Variants in CTSC observed in about 807,000 individuals in gnomAD.
The protein encoded by CTSC is dipeptidyl peptidase 1.
A neutral mutation model predicts 40.9 loss-of-function variants in CTSC; 37 were observed. The observed-to-expected ratio is 0.91, with a 90% confidence interval of 0.70 to 1.19. The LOEUF (loss-of-function observed/expected upper bound fraction) is 1.19, where lower values mean the gene tolerates loss of function less well. Ranked by LOEUF, CTSC falls within the 50% of genes most tolerant of loss-of-function variation. The probability of loss-of-function intolerance (pLI) is 0.00; values close to 1 mark genes in which losing one functional copy is unlikely to be tolerated. For synonymous variants in CTSC, 232 were observed against 207.4 expected (o/e 1.12, Z -1.02); for missense variants, 594 against 567.3 (o/e 1.05, Z -0.48).
At chr11:88,296,664 A>G (rs1338925289) in intron 5 of CTSC, 1 of 312,302 alleles carries the variant, frequency 3.2e-6, no homozygotes, top group African/African-American at 2.2e-5. Context: ...TGAGCTTTCA[A>G]ATATCTCTAA....
In CTSC at chr11:88,300,581, C is replaced by A. The variant is rs764724707; in HGVS notation, c.706G>T (p.Asp236Tyr). Residue 236 changes from aspartate to tyrosine, a missense_variant, in exon 5 of 7, where the codon GAC (aspartate) becomes TAC (tyrosine). Physicochemically the swap from Asp to Tyr is radical, Grantham distance 160 (BLOSUM62 -3). Coordinates refer to ENST00000227266, the MANE Select transcript of CTSC (RefSeq NM_001814.6). ...TTGATACCATGAACATTTCTCCAGT[C>A]CCAAGATGTTGGCAAATGCAAAATC... is the stretch of plus-strand genomic sequence containing the variant. ...QKILHLPTSW[D>Y]WRNVHGINFV... 10 of 1,613,800 alleles carry A rather than the reference C, an allele frequency of 6.2e-6. No homozygotes were observed. Among genetic ancestry groups the A allele is most frequent in the Non-Finnish European group, 7.6e-6 (9 of 1,179,840 alleles).
intron 3 of CTSC, among the ~76,000 whole-genome samples, chr11:88,310,828 CTT>C (rs1180370747): frequency 6.6e-6 from 1 of 152,070 alleles, no homozygotes; most frequent in Non-Finnish European, 1.5e-5. Context: ...AAATAAAATA[CTT>C]TTGAGATATT....
intron 2 of CTSC, chr11:88,328,175 G>T (rs1393435268): frequency 1.9e-6 from 3 of 1,613,012 alleles, no homozygotes; most frequent in Admixed American, 1.7e-5. Flanking sequence ...ATGAACAAAT[G>T]ACTGATAAAA....
intron 2 of CTSC, among the ~76,000 whole-genome samples, chr11:88,333,331 T>C (rs1327360502): frequency 1.3e-5 from 2 of 152,236 alleles, no homozygotes; most frequent in African/African-American, 4.8e-5. Context: ...ATTTAACCTA[T>C]TTCCCAACTG....
rs368330591 is a variant in CTSC at position 88,328,400 on chromosome 11, A to T, written c.318+6537T>A. 3.4e-4 allele frequency among the ~76,000 whole-genome samples: 52 copies of T among 152,330 alleles called. No individual in the cohort carries two copies. The South Asian group carries it at 9.3e-3, about 27-fold the overall frequency. On this transcript the variant is annotated intron_variant, in intron 2 of 6. Transcript: ENST00000227266. ...ATGCTGAGCTTGATATATTGAATCC[A>T]AATTTTAAAAAGTATACCTATCTCA... is the stretch of plus-strand genomic sequence containing the variant.
chr11:88,327,880 C>G lies in CTSC; in HGVS notation c.318+7057G>C, dbSNP rs201836502. 7.5e-6 allele frequency: 4 copies of G among 535,660 alleles called. No individual in the cohort carries two copies. In the East Asian group the frequency reaches 1.3e-4, roughly 18 times the overall value. The allele number at this position is 535,660 out of a possible 1,614,324, so 33.2% of individuals were successfully genotyped here. A position where few individuals can be genotyped will look rare whatever the true frequency, so the allele number is the denominator to read the frequency against. ...GTTACAAGTAGCATTCTTGGGAGAG[C>G]TGATTTGACATGTGAAAACAGAACA... On this transcript the variant is annotated intron_variant, in intron 2 of 6. Transcript: ENST00000227266.
At chr11:88,307,845 C>T (rs116561803) in intron 4 of CTSC, among the ~76,000 whole-genome samples, 2,207 of 152,132 alleles carry the variant, frequency 0.015, 58 homozygotes, top group African/African-American at 0.051. Context: ...CTCGTAATCA[C>T]CCAACGGGTT....
At chr11:88,300,427 C>T in intron 5 of CTSC, 103 bp downstream of exon 5, 1 of 736,910 alleles carries the variant, frequency 1.4e-6, no homozygotes, top group Admixed American at 2.0e-5. Context: ...AAAAGGGGAT[C>T]ATGCCCATTC....
chr11:88,308,557 T>C (rs1292837525), intron 4 of CTSC, among the ~76,000 whole-genome samples: 1 of 151,930 alleles, frequency 6.6e-6, no homozygotes, highest in Non-Finnish European at 1.5e-5. Context: ...TGGTTCTACC[T>C]GGACCCAGCA....
In CTSC at chr11:88,318,751, C is replaced by T. The variant is rs141036541; in HGVS notation, c.319-6197G>A. Among the ~76,000 whole-genome samples, 1,299 of 152,150 alleles carry T rather than the reference C, an allele frequency of 8.5e-3. 22 individuals carry two copies. The highest frequency in any genetic ancestry group is 0.029 in the African/African-American group (1,212 of 41,484). On this transcript the variant is annotated intron_variant, in intron 2 of 6. Coordinates refer to ENST00000227266, the MANE Select transcript of CTSC (RefSeq NM_001814.6). ...TGAAACCTTGTCTCTACTAATAATA[C>T]AAAAATTAGCCTGGCATAGTGGCAC...
At chr11:88,332,210 G>A (rs1413061280) in intron 2 of CTSC, among the ~76,000 whole-genome samples, 12 of 152,262 alleles carry the variant, frequency 7.9e-5, no homozygotes, top group Admixed American at 7.8e-4. Context: ...TTTCGTTTAT[G>A]TAAGACTCTT....
At chr11:88,337,401 C>A (rs964547834) in intron 1 of CTSC, 100 bp downstream of exon 1, 12 of 1,250,318 alleles carry the variant, frequency 9.6e-6, no homozygotes, top group African/African-American at 3.0e-5. Flanking sequence ...TGGCCACCCA[C>A]AAGCGTCTGC....
At chr11:88,335,504 C>A (rs1438351839) in intron 1 of CTSC, among the ~76,000 whole-genome samples, 2 of 152,118 alleles carry the variant, frequency 1.3e-5, no homozygotes, top group Non-Finnish European at 1.5e-5. Flanking sequence ...TTGCTTGAGC[C>A]CAGGAGTTGG....
At chr11:88,326,174 T>C in intron 2 of CTSC, 4 of 1,356,614 alleles carry the variant, frequency 2.9e-6, no homozygotes, top group Non-Finnish European at 3.8e-6. Flanking sequence ...CTTTCTCCTG[T>C]GTAGTCTCTG....
intron 1 of CTSC, among the ~76,000 whole-genome samples, chr11:88,336,241 A>T (rs1007850559): frequency 0.013 from 134 of 10,474 alleles, 3 homozygotes; most frequent in South Asian, 0.083. Context: ...TCAAATTTAA[A>T]AAAAAAAAAA....
chr11:88,312,675 G>T, intron 2 of CTSC, 121 bp from the exon 3 acceptor site: 1 of 1,059,698 alleles, frequency 9.4e-7, no homozygotes, highest in South Asian at 1.3e-5. Context: ...CACCCTGAGA[G>T]GTTACACTGT....
In CTSC at chr11:88,300,539, G is replaced by T; in HGVS notation, c.748C>A (p.Arg250=). 6.2e-7 allele frequency: 1 copy of T among 1,602,872 alleles called. No individual in the cohort carries two copies. The highest frequency in any genetic ancestry group is 1.1e-5 in the South Asian group (1 of 90,808). Residue 250 remains arginine, a synonymous_variant, in exon 5 of 7, where the codon CGA becomes AGA. Transcript: ENST00000227266. ...AGGCTTATTTTTTTACCTTGGTTTC[G>T]AACAGGACTGACAAAATTGATACCA... is the stretch of plus-strand genomic sequence containing the variant. ...VHGINFVSPV[R]NQASCGSCYS...
intron 2 of CTSC, among the ~76,000 whole-genome samples, chr11:88,312,765 A>G (rs1286604966): frequency 6.6e-6 from 1 of 152,228 alleles, no homozygotes; most frequent in Non-Finnish European, 1.5e-5. Context: ...TGTATATAAC[A>G]AAACACTTCC....
intron 4 of CTSC, among the ~76,000 whole-genome samples, chr11:88,306,181 G>A (rs1311265148): frequency 1.3e-5 from 2 of 152,208 alleles, no homozygotes; most frequent in African/African-American, 2.4e-5. Flanking sequence ...TAGAATTATG[G>A]GAGGATGCCA....
Sources: gnomAD v4.1 joint callset for allele counts (sites outside exome capture counted in the v4.1 genomes callset) on GRCh38, gnomAD v4.1.1 for gene constraint, MANE v1.5 for transcripts, NCBI Gene and HGNC (gene_info 2026-07-23, HGNC 2026-07-21) for gene names.